PAX2: variants seen among roughly 807,000 people sequenced by gnomAD.
PAX2 encodes paired box protein Pax-2.
A neutral mutation model predicts 41.7 loss-of-function variants in PAX2; 9 were observed. The observed-to-expected ratio is 0.22, with a 90% CI of 0.13 to 0.38. The LOEUF is 0.38. PAX2 is among the 10% of genes least tolerant of loss of function. The pLI, the probability that PAX2 is intolerant of heterozygous loss-of-function variation, is 1.00. For synonymous variants in PAX2, 221 were observed against 212.7 expected (o/e 1.04, Z -0.34); for missense variants, 418 against 531.6 (o/e 0.79, Z 2.10).
chr10:100,822,731 G>A (rs747317749), intron 7 of PAX2, among the ~76,000 whole-genome samples: 1 of 152,168 alleles, frequency 6.6e-6, no homozygotes, highest in South Asian at 2.1e-4. Context: ...GAGGAAAACC[G>A]TAAGGAAGAA....
chr10:100,809,273 C>A, intron 7 of PAX2, 37 bp downstream of exon 7: 2 of 1,601,988 alleles, frequency 1.2e-6, no homozygotes, highest in South Asian at 2.2e-5. Context: ...GCACTGCGTT[C>A]AGTGGAGGGT....
upstream of PAX2, among the ~76,000 whole-genome samples, chr10:100,741,053 A>G (rs1844934382): frequency 6.6e-6 from 1 of 152,232 alleles, no homozygotes; most frequent in African/African-American, 2.4e-5. Context: ...TTGCTCCTCA[A>G]AGGGCCTGTG....
At chr10:100,798,658 C>T (rs1249585775) in intron 5 of PAX2, among the ~76,000 whole-genome samples, 4 of 152,220 alleles carry the variant, frequency 2.6e-5, no homozygotes, top group African/African-American at 9.6e-5. Flanking sequence ...TCTTCCCTCC[C>T]TTCTCCTATC....
intron 3 of PAX2, among the ~76,000 whole-genome samples, chr10:100,773,217 T>G (rs1444431058): frequency 6.6e-6 from 1 of 152,224 alleles, no homozygotes; most frequent in Non-Finnish European, 1.5e-5. Flanking sequence ...AGTGAACTAT[T>G]TATTTGAAGT....
rs1847130992 is a variant in PAX2 at position 100,791,820 on chromosome 10, A to C, written c.616+10455A>C. 6.6e-6 allele frequency among the ~76,000 whole-genome samples: 1 copy of C among 152,176 alleles called. No homozygotes were observed. The highest frequency in any genetic ancestry group is 1.5e-5 in the Non-Finnish European group (1 of 68,032). ...CATCTCTTTAGGCAGAGTGCCCAGC[A>C]TGAGCCCTTGGGCAGTGTGGGCACC... On this transcript the variant is annotated intron_variant, in intron 5 of 9. Coordinates refer to ENST00000355243, the MANE Select transcript of PAX2 (RefSeq NM_000278.5). The surrounding 1 kb of genome is among the most constrained non-coding windows in gnomAD (Gnocchi z 4.5).
At chr10:100,766,474 G>A (rs1455494271) in intron 3 of PAX2, among the ~76,000 whole-genome samples, 6 of 152,188 alleles carry the variant, frequency 3.9e-5, no homozygotes, top group Non-Finnish European at 8.8e-5. Flanking sequence ...TTCCCATTGG[G>A]ATTGGCAAGT....
intron 1 of PAX2, chr10:100,747,342 A>G (rs1051889602): frequency 1.4e-4 from 22 of 152,340 alleles, no homozygotes; most frequent in African/African-American, 5.3e-4. Flanking sequence ...GAAATTAAAG[A>G]AAGAAAGTTG....
At chr10:100,796,953 G>T (rs1157641049) in intron 5 of PAX2, among the ~76,000 whole-genome samples, 1 of 152,192 alleles carries the variant, frequency 6.6e-6, no homozygotes, top group South Asian at 2.1e-4. Flanking sequence ...AAATATCTAA[G>T]AGGGAATCCA....
chr10:100,827,152 C>A lies in PAX2; in HGVS notation c.1108+57C>A. 1 of 1,398,526 alleles carries A rather than the reference C, an allele frequency of 7.2e-7. No individual in the cohort carries two copies. Among genetic ancestry groups the A allele is most frequent in the Non-Finnish European group, 1.0e-6 (1 of 987,374 alleles). The allele number at this position is 1,398,526 out of a possible 1,614,324, so 86.6% of individuals were successfully genotyped here. ...AGCGCGGCCGCGCGGCTTCTGGGCACGGTCCCACTCCCGGCGACCCGACCT... is the reference window on the plus strand; with the variant it reads ...AGCGCGGCCGCGCGGCTTCTGGGCAAGGTCCCACTCCCGGCGACCCGACCT... On this transcript the variant is annotated intron_variant, in intron 9 of 9. Transcript: ENST00000355243. The surrounding 1 kb of genome is among the most constrained non-coding windows in gnomAD (Gnocchi z 8.5).
At position 100,746,066 on chromosome 10, in the gene PAX2, G is replaced by A. The variant is rs1392177249; in HGVS notation, c.-195G>A. 4.1e-6 allele frequency: 6 copies of A among 1,480,214 alleles called. No homozygotes were observed. In the East Asian group the frequency reaches 1.2e-4, roughly 29 times the overall value. The allele number at this position is 1,480,214 out of a possible 1,614,324, so 91.7% of individuals were successfully genotyped here. ...CAAGTTGCGGCTACTGCAGTTGCAA[G>A]CTCCGGCCAACCCGGAGGAGCCCCA... On this transcript the variant is annotated 5_prime_UTR_variant, in exon 1 of 10. Coordinates refer to ENST00000355243, the MANE Select transcript of PAX2 (RefSeq NM_000278.5).
intron 7 of PAX2, 58 bp downstream of exon 7, chr10:100,809,294 A>G: frequency 6.5e-7 from 1 of 1,542,958 alleles, no homozygotes; most frequent in Non-Finnish European, 8.9e-7. Context: ...GCCTCAGCCC[A>G]TGCCATCTGA....
chr10:100,794,922 GT>G (rs1847268267), intron 5 of PAX2, among the ~76,000 whole-genome samples: 1 of 152,020 alleles, frequency 6.6e-6, no homozygotes, highest in Admixed American at 6.5e-5. Flanking sequence ...CACCTTGTTG[GT>G]TTGGGTTCTT....
intron 3 of PAX2, among the ~76,000 whole-genome samples, chr10:100,763,767 G>C (rs1845915929): frequency 6.6e-6 from 1 of 152,196 alleles, no homozygotes; most frequent in South Asian, 2.1e-4. Context: ...CCTACTATGT[G>C]CTAGGCAATT....
intron 3 of PAX2, among the ~76,000 whole-genome samples, chr10:100,761,056 C>T (rs367940587): frequency 2.6e-5 from 4 of 152,072 alleles, no homozygotes; most frequent in East Asian, 3.9e-4. Context: ...CAGATGAGAG[C>T]GAGGGGAGGG....
At chr10:100,793,590 A>G (rs1424881573) in intron 5 of PAX2, among the ~76,000 whole-genome samples, 1 of 152,146 alleles carries the variant, frequency 6.6e-6, no homozygotes, top group Non-Finnish European at 1.5e-5. Flanking sequence ...AGGAAAGTAA[A>G]TGTGCTGGTA....
Position 100,748,568 on chromosome 10 carries a change from G to GGATTGCTCAGTACCTGCGGCTAC in PAX2, c.44-1176_44-1154dup. On this transcript the variant is annotated intron_variant, in intron 1 of 9. Transcript: ENST00000355243. The surrounding 1 kb of genome is among the most constrained non-coding windows in gnomAD (Gnocchi z 5.0). ...TCGGCCGCTAGAAGTCTCTGCGCTT[G>GGATTGCTCAGTACCTGCGGCTAC]GATTGCTCAGTACCTGCGGCTACGG... The GGATTGCTCAGTACCTGCGGCTAC allele has an allele frequency of 1.0e-6, 1 of 985,442 alleles. No individual in the cohort carries two copies. Among genetic ancestry groups the GGATTGCTCAGTACCTGCGGCTAC allele is most frequent in the African/African-American group, 1.7e-5 (1 of 57,362 alleles). The allele number at this position is 985,442 out of a possible 1,614,324, so 61.0% of individuals were successfully genotyped here. A position where few individuals can be genotyped will look rare whatever the true frequency, so the allele number is the denominator to read the frequency against.
At chr10:100,741,797 C>T (rs1353014654), upstream of PAX2, among the ~76,000 whole-genome samples, 1 of 152,272 alleles carries the variant, frequency 6.6e-6, no homozygotes. Context: ...GACTACTTTT[C>T]TCCCCTTGGT....
intron 5 of PAX2, among the ~76,000 whole-genome samples, chr10:100,805,023 TACACACA>T (rs1847720911): frequency 2.8e-3 from 263 of 95,018 alleles, no homozygotes; most frequent in African/African-American, 9.4e-3. Flanking sequence ...CTCTCTCACA[TACACACA>T]CACACACACA....
In PAX2 at chr10:100,748,109, C is replaced by T. The variant is rs975715973; in HGVS notation, c.44-1637C>T. The T allele has an allele frequency of 2.0e-6, 2 of 985,034 alleles. No individual in the cohort carries two copies. The highest frequency in any genetic ancestry group is 1.8e-5 in the African/African-American group (1 of 57,142). 61.0% of individuals were successfully genotyped at this position (985,034 alleles called of 1,614,324 possible). ...CGCCGACTCGCTGCAGTCCCCCAGC[C>T]CTGGACTCCCGCCGTGTCCCCTTCC... On this transcript the variant is annotated intron_variant, in intron 1 of 9. Coordinates refer to ENST00000355243, the MANE Select transcript of PAX2 (RefSeq NM_000278.5). The surrounding 1 kb of genome is among the most constrained non-coding windows in gnomAD (Gnocchi z 5.0).
Sources: gnomAD v4.1 joint callset for allele counts (sites outside exome capture counted in the v4.1 genomes callset) on GRCh38, gnomAD v4.1.1 for gene constraint, Gnocchi (gnomAD v3.1) non-coding constraint, MANE v1.5 for transcripts, NCBI Gene and HGNC (gene_info 2026-07-23, HGNC 2026-07-21) for gene names.